The following MARCHF8 variants were observed in gnomAD, a reference collection of about 807,000 sequenced individuals.
MARCHF8 encodes membrane associated ring-CH-type finger 8, also known as E3 ubiquitin-protein ligase MARCHF8.
Under a neutral mutation model 51.6 loss-of-function variants are expected in MARCHF8, and 40 were observed. That is an observed-to-expected ratio of 0.77 (90% confidence interval 0.60 to 1.01). The LOEUF (loss-of-function observed/expected upper bound fraction) is 1.01, where lower values mean the gene tolerates loss of function less well. Ranked by LOEUF, MARCHF8 falls within the 50% of genes least tolerant of loss-of-function variation. MARCHF8 has a pLI of 0.00. For synonymous variants in MARCHF8, 263 were observed against 280.3 expected (o/e 0.94, Z 0.62); for missense variants, 685 against 708.6 (o/e 0.97, Z 0.38).
In MARCHF8 at chr10:45,516,084, G is replaced by A. The variant is rs533170736; in HGVS notation, c.102+17026C>T. 2.6e-5 allele frequency among the ~76,000 whole-genome samples: 4 copies of A among 152,244 alleles called. No individual in the cohort carries two copies. The South Asian group carries it at 8.3e-4, about 32-fold the overall frequency. ...CCCTACCCCATCCCATGAATGAGAG[G>A]ATAAGAGGGCCTATCACCTGAGGCT... On this transcript the variant is annotated intron_variant, in intron 2 of 7. Transcript: ENST00000453424.
chr10:45,533,709 G>A (rs1391237655), intron 1 of MARCHF8, among the ~76,000 whole-genome samples: 2 of 152,142 alleles, frequency 1.3e-5, no homozygotes, highest in Non-Finnish European at 2.9e-5. Context: ...TCAGAGGTTA[G>A]GAAGTCCAAA....
chr10:45,556,413 A>AC (rs980659906), intron 1 of MARCHF8, among the ~76,000 whole-genome samples: 10 of 152,302 alleles, frequency 6.6e-5, no homozygotes, highest in Admixed American at 5.2e-4. Flanking sequence ...ACAAGAATGT[A>AC]CCCCCAAAAA....
chr10:45,593,157 C>G (rs1385635099), intron 1 of MARCHF8, among the ~76,000 whole-genome samples: 3 of 148,106 alleles, frequency 2.0e-5, no homozygotes, highest in African/African-American at 8.0e-5. Flanking sequence ...GTACCACTTA[C>G]AGTACATTCC....
intron 1 of MARCHF8, among the ~76,000 whole-genome samples, chr10:45,563,284 C>T (rs1322444001): frequency 1.3e-5 from 2 of 152,166 alleles, no homozygotes; most frequent in Non-Finnish European, 2.9e-5. Flanking sequence ...GCCTCGGCCT[C>T]CCAAAGTGCT....
intron 2 of MARCHF8, among the ~76,000 whole-genome samples, chr10:45,502,734 T>C (rs35599399): frequency 0.011 from 1,738 of 152,098 alleles, 20 homozygotes; most frequent in Non-Finnish European, 0.014. Flanking sequence ...ATAAAAACAG[T>C]CACAGACAAA....
chr10:45,584,195 G>A (rs1228217043), intron 1 of MARCHF8, among the ~76,000 whole-genome samples: 35 of 112,760 alleles, frequency 3.1e-4, no homozygotes, highest in African/African-American at 9.5e-4. Context: ...ACATTCACAA[G>A]AACTAAGAAA....
At chr10:45,477,432 C>G (rs35464392) in intron 3 of MARCHF8, among the ~76,000 whole-genome samples, 9,420 of 151,150 alleles carry the variant, frequency 0.062, 331 homozygotes, top group Non-Finnish European at 0.067. Context: ...CACAAATAAG[C>G]AAAAAAAAGG....
chr10:45,457,531 G>A lies in MARCHF8; in HGVS notation c.*708C>T, dbSNP rs1239836981. The A allele has an allele frequency of 2.6e-5, 4 of 152,620 alleles. No individual in the cohort carries two copies. Among genetic ancestry groups the A allele is most frequent in the African/African-American group, 9.7e-5 (4 of 41,440 alleles). The allele number at this position is 152,620 out of a possible 1,614,324, so 9.5% of individuals were successfully genotyped here. ...TTCTTAGCATATGTAAGGCAAAATG[G>A]ATTTTTGATCTCTCATGATGTAAAG... On this transcript the variant is annotated 3_prime_UTR_variant, in exon 8 of 8. Transcript: ENST00000453424.
chr10:45,561,671 C>T (rs569879145), intron 1 of MARCHF8, among the ~76,000 whole-genome samples: 131 of 150,926 alleles, frequency 8.7e-4, no homozygotes, highest in African/African-American at 2.8e-3. Context: ...GAGGCTGAGG[C>T]GGGCAGATCA....
At chr10:45,517,657 C>A (rs957021060) in intron 2 of MARCHF8, among the ~76,000 whole-genome samples, 1 of 152,228 alleles carries the variant, frequency 6.6e-6, no homozygotes, top group African/African-American at 2.4e-5. Flanking sequence ...GGCAATTAAA[C>A]CTCTTTATGA....
intron 3 of MARCHF8, among the ~76,000 whole-genome samples, chr10:45,475,785 T>G (rs1304628797): frequency 1.3e-5 from 2 of 152,046 alleles, no homozygotes; most frequent in Non-Finnish European, 2.9e-5. Flanking sequence ...CCACCTGACC[T>G]GCTAACACTG....
chr10:45,560,971 G>C (rs188728566), intron 1 of MARCHF8, among the ~76,000 whole-genome samples: 34 of 152,254 alleles, frequency 2.2e-4, no homozygotes, highest in Non-Finnish European at 4.3e-4. Context: ...ATAAGGCAAA[G>C]AGAGAAAGGA....
At chr10:45,497,973 G>A (rs2133125341) in intron 2 of MARCHF8, among the ~76,000 whole-genome samples, 1 of 152,192 alleles carries the variant, frequency 6.6e-6, no homozygotes, top group South Asian at 2.1e-4. Context: ...CCCAGTCTGT[G>A]GTATTTTGTT....
At chr10:45,564,661 T>C (rs2044345281) in intron 1 of MARCHF8, among the ~76,000 whole-genome samples, 1 of 152,084 alleles carries the variant, frequency 6.6e-6, no homozygotes, top group Admixed American at 6.5e-5. Flanking sequence ...GTAGGATTAA[T>C]ACAAATAGAA....
chr10:45,564,183 G>A (rs991777354), intron 1 of MARCHF8, among the ~76,000 whole-genome samples: 2 of 152,208 alleles, frequency 1.3e-5, no homozygotes, highest in Admixed American at 1.3e-4. Context: ...GGCTGAGGCA[G>A]GAGAATCGCT....
intron 2 of MARCHF8, among the ~76,000 whole-genome samples, chr10:45,510,829 T>C (rs1192759740): frequency 6.6e-6 from 1 of 152,142 alleles, no homozygotes; most frequent in African/African-American, 2.4e-5. Context: ...TTCTCCTCTA[T>C]AAAGTGGACT....
chr10:45,545,722 T>C lies in MARCHF8; in HGVS notation c.-78-12433A>G, dbSNP rs572735042. ...AGTCAAAAACGCAATGCTGGATAGA[T>C]AGCAAGTTATGGAAGCTTGCTATCC... On this transcript the variant is annotated intron_variant, in intron 1 of 6. Transcript: ENST00000319836. Among the ~76,000 whole-genome samples the C allele has an allele frequency of 1.1e-4, 16 of 152,342 alleles. No individual in the cohort carries two copies. The South Asian group carries it at 2.7e-3, about 26-fold the overall frequency.
At chr10:45,538,694 C>A (rs543279795), upstream of MARCHF8, among the ~76,000 whole-genome samples, 1 of 152,174 alleles carries the variant, frequency 6.6e-6, no homozygotes, top group Admixed American at 6.5e-5. Flanking sequence ...AGATTTTAAA[C>A]CAACAAAGAT....
chr10:45,518,169 G>C (rs928225517), intron 2 of MARCHF8, among the ~76,000 whole-genome samples: 6 of 152,146 alleles, frequency 3.9e-5, no homozygotes, highest in Non-Finnish European at 8.8e-5. Flanking sequence ...GATGACTATG[G>C]AGGGGCAGGC....
Sources: allele counts gnomAD v4.1 joint callset (sites outside exome capture counted in the v4.1 genomes callset), GRCh38; gene constraint gnomAD v4.1.1; transcripts MANE v1.5; gene names NCBI Gene and HGNC (gene_info 2026-07-23, HGNC 2026-07-21).